TEX15: variants seen among roughly 807,000 people sequenced by gnomAD.
TEX15 encodes testis-expressed protein 15.
A neutral mutation model predicts 237.3 loss-of-function variants in TEX15; 171 were observed. The ratio of observed to expected loss-of-function variants is 0.72; its 90% CI spans 0.64 to 0.82. The LOEUF is 0.82. Among genes scored for constraint, TEX15 ranks in the 40% least tolerant of loss-of-function variants. The pLI, the probability that TEX15 is intolerant of heterozygous loss-of-function variation, is 0.00. For missense variants in TEX15, 3,750 were observed against 3,646.5 expected (o/e 1.03, Z -0.73); for synonymous variants, 1,338 against 1,269.8 (o/e 1.05, Z -1.14).
Position 30,843,500 on chromosome 8 carries a change from C to T in TEX15, c.6667G>A (p.Gly2223Arg), listed in dbSNP as rs763458912. Reference sequence around the variant, plus strand: ...TACGAATGAACTTTAGGAGAGTCCCCACATACATTGATCAACTTTAAAGTA... The same window carrying T: ...TACGAATGAACTTTAGGAGAGTCCCTACATACATTGATCAACTTTAAAGTA... ...KSTLKLINVC[G>R]DSPKVHSYPG... is the part of the protein sequence containing the mutation. The change falls in exon 8 of 11, where the codon GGG (glycine) becomes AGG (arginine). Residue 2223 changes from glycine (G) to arginine (R), a missense_variant. By Grantham distance (125) the Gly-to-Arg change is moderately radical. Transcript: ENST00000643185. 2 of 1,612,958 alleles carry T rather than the reference C, an allele frequency of 1.2e-6. No homozygotes were observed. The highest frequency in any genetic ancestry group is 1.7e-5 in the Admixed American group (1 of 59,946).
Position 30,843,552 on chromosome 8 carries a change from T to C in TEX15, c.6615A>G (p.Leu2205=), listed in dbSNP as rs1807515659. 1 of 1,613,208 alleles carries C rather than the reference T, an allele frequency of 6.2e-7. No homozygotes were observed. Among genetic ancestry groups the C allele is most frequent in the South Asian group, 1.1e-5 (1 of 91,040 alleles). Residue 2205 remains leucine (L), a synonymous_variant, in exon 8 of 11, where the codon TTA becomes TTG. Coordinates refer to ENST00000643185, the MANE Select transcript of TEX15 (RefSeq NM_001350162.2). ...FTCGVNFGDS[L]EDLEILRKST... is the part of the protein sequence containing the mutation. ...TTTTTCTTAAGATTTCCAGGTCTTC[T>C]AAACTATCTCCAAAGTTAACTCCAC...
intron 5 of TEX15, 42 bp downstream of exon 5, chr8:30,867,223 G>A: frequency 1.0e-6 from 1 of 967,970 alleles, no homozygotes; most frequent in Non-Finnish European, 1.5e-6. Context: ...TCAATTCAAA[G>A]CAAACTGTCC....
At chr8:30,883,275 C>G (rs1355556908) in intron 3 of TEX15, among the ~76,000 whole-genome samples, 1 of 152,108 alleles carries the variant, frequency 6.6e-6, no homozygotes, top group Admixed American at 6.5e-5. Flanking sequence ...GTAGGCAGCT[C>G]TTTAAATTTA....
chr8:30,854,476 G>A (rs539890755), intron 7 of TEX15, among the ~76,000 whole-genome samples: 1 of 152,166 alleles, frequency 6.6e-6, no homozygotes, highest in East Asian at 1.9e-4. Context: ...CCTAAAACAA[G>A]TGAAGAAACT....
rs138707908 is a variant in TEX15, at chr8:30,837,242, T to C, written c.9042A>G (p.Thr3014=). The C allele has an allele frequency of 2.8e-4, 444 of 1,614,162 alleles. 1 individual carries two copies. The highest frequency in any genetic ancestry group is 2.5e-3 in the African/African-American group (186 of 75,076). ...CAGACTGTGGAAGTTCATTCCAATA[T>C]GTGGCAGCATTCTGCATTAGGACTT... The part of the protein sequence containing the change: ...NSKVLMQNAA[T]YWNELPQSAC... The change falls in exon 10 of 11, where the codon ACA becomes ACG. Residue 3014 remains threonine (T), a synonymous_variant. Transcript: ENST00000643185.
rs1220363685 is a variant in TEX15 at position 30,843,254 on chromosome 8, T to C, written c.6913A>G (p.Lys2305Glu). The change falls in exon 8 of 11, where the codon AAA (lysine) becomes GAA (glutamate). Residue 2305 changes from lysine to glutamate, a missense_variant. By Grantham distance (56) the Lys-to-Glu change is moderately conservative. Transcript: ENST00000643185. ...TTCTGCAACTTAGAAAAGGCACATT[T>C]ATTCACTCTGAGTAGCCTTTCTTCG... ...KDEERLLRVN[K>E]CAFSKLQKIY... 3.1e-6 allele frequency: 5 copies of C among 1,613,224 alleles called. No individual in the cohort carries two copies. The East Asian group carries it at 1.1e-4, about 36-fold the overall frequency.
chr8:30,847,010 G>T lies in TEX15; in HGVS notation c.3157C>A (p.Gln1053Lys). ...ATTTCACTTTCCAATTCAATGCTCT[G>T]AAGAACTAAGTTCTCATTTATTGAT... is the stretch of plus-strand genomic sequence containing the variant. ...HQSINENLVL[Q>K]SIELESEIEI... Residue 1053 changes from glutamine to lysine, a missense_variant, in exon 8 of 11, where the codon CAG becomes AAG. Coordinates refer to ENST00000643185, the MANE Select transcript of TEX15 (RefSeq NM_001350162.2). 1 of 1,613,124 alleles carries T rather than the reference G, an allele frequency of 6.2e-7. No homozygotes were observed. Among genetic ancestry groups the T allele is most frequent in the African/African-American group, 1.3e-5 (1 of 75,008 alleles).
Position 30,847,211 on chromosome 8 carries a change from G to C in TEX15, c.2956C>G (p.Gln986Glu), listed in dbSNP as rs1381952882. The change falls in exon 8 of 11, where the codon CAG becomes GAG. Residue 986 changes from glutamine to glutamate, a missense_variant. Transcript: ENST00000643185. ...SVCVASNAAI[Q>E]IASATMPALS... Reference sequence around the variant, plus strand: ...GCAGGCATAGTAGCACTAGCTATCTGTATTGCAGCATTTGAGGCTACACAC... The same window carrying C: ...GCAGGCATAGTAGCACTAGCTATCTCTATTGCAGCATTTGAGGCTACACAC... 3 of 1,613,870 alleles carry C rather than the reference G, an allele frequency of 1.9e-6. No individual in the cohort carries two copies. Among genetic ancestry groups the C allele is most frequent in the Middle Eastern group, 1.6e-4 (1 of 6,084 alleles).
intron 1 of TEX15, among the ~76,000 whole-genome samples, chr8:30,911,327 T>C (rs916202632): frequency 6.6e-6 from 1 of 152,230 alleles, no homozygotes; most frequent in South Asian, 2.1e-4. Flanking sequence ...ATTATTATTA[T>C]TTTTTGTAGA....
chr8:30,911,882 G>T (rs1217503613), intron 1 of TEX15, among the ~76,000 whole-genome samples: 1 of 152,266 alleles, frequency 6.6e-6, no homozygotes, highest in Middle Eastern at 3.4e-3. Flanking sequence ...CGGCTCACAC[G>T]AAACTGAGGC....
intron 3 of TEX15, 33 bp downstream of exon 3, chr8:30,887,134 T>C: frequency 6.6e-7 from 1 of 1,506,498 alleles, no homozygotes; most frequent in Non-Finnish European, 8.8e-7. Context: ...CAGTAATAGT[T>C]ACTAAAAAAA....
rs1402409052 is a variant in TEX15, at chr8:30,844,894, TCA to T, written c.5271_5272del (p.Cys1757Ter). 1 of 1,613,494 alleles carries T rather than the reference TCA, an allele frequency of 6.2e-7. No individual in the cohort carries two copies. Among genetic ancestry groups the T allele is most frequent in the East Asian group, 2.2e-5 (1 of 44,872 alleles). On this transcript the variant is annotated stop_gained and frameshift_variant, in exon 8 of 11. Coordinates refer to ENST00000643185, the MANE Select transcript of TEX15 (RefSeq NM_001350162.2). LOFTEE classifies it high-confidence loss of function. ...AAGCTCTTTTTCTCTACAGCTCTGC[TCA>T]CAGTGTGGTACAGTACTGGATGCTG... is the stretch of plus-strand genomic sequence containing the variant.
chr8:30,839,025 A>G (rs1378149964), intron 9 of TEX15, among the ~76,000 whole-genome samples: 2 of 151,932 alleles, frequency 1.3e-5, no homozygotes, highest in Non-Finnish European at 2.9e-5. Flanking sequence ...CATGTTGGTC[A>G]GGCTGATCTC....
rs1349817282 is a variant in TEX15, at chr8:30,848,730, G to A, written c.1437C>T (p.Ser479=). ...CACAATCACCAGGGACAACTTCTGA[G>A]GAGGAGGCAGAATTAGATGGTGTCG... ...IKSTPSNSAS[S]SEVVPGDCAV... Residue 479 remains serine (S), a synonymous_variant, in exon 8 of 11, where the codon TCC becomes TCT. Coordinates refer to ENST00000643185, the MANE Select transcript of TEX15 (RefSeq NM_001350162.2). 1.2e-6 allele frequency: 2 copies of A among 1,614,014 alleles called. No individual in the cohort carries two copies. Among genetic ancestry groups the A allele is most frequent in the South Asian group, 1.1e-5 (1 of 91,086 alleles).
chr8:30,867,424 A>G lies in TEX15; in HGVS notation c.381T>C (p.Asp127=). Reference sequence around the variant, plus strand: ...TTCCATTCTGATATATCTGGGCTACATCACTCTGGGGAAGTGCTAAAAAGC... The same window carrying G: ...TTCCATTCTGATATATCTGGGCTACGTCACTCTGGGGAAGTGCTAAAAAGC... ...QFCFLALPQS[D]VAQIYQNGIS... is the part of the protein sequence containing the mutation. Residue 127 remains aspartate (D), a synonymous_variant, in exon 5 of 11, where the codon GAT becomes GAC. Transcript: ENST00000643185. The G allele has an allele frequency of 1.2e-5, 18 of 1,534,908 alleles. No homozygotes were observed. Among genetic ancestry groups the G allele is most frequent in the Non-Finnish European group, 1.6e-5 (18 of 1,146,054 alleles).
intron 8 of TEX15, among the ~76,000 whole-genome samples, chr8:30,841,543 T>A (rs1585280411): frequency 6.6e-6 from 1 of 152,248 alleles, no homozygotes; most frequent in Non-Finnish European, 1.5e-5. Flanking sequence ...AACTCCTTGA[T>A]AATTATCTCT....
intron 10 of TEX15, among the ~76,000 whole-genome samples, chr8:30,835,896 A>G (rs1489667147): frequency 1.3e-5 from 2 of 152,228 alleles, no homozygotes; most frequent in East Asian, 1.9e-4. Context: ...ACTGTATTAG[A>G]TAACTGAGAG....
chr8:30,840,083 CTAAT>C lies in TEX15; in HGVS notation c.8164-123_8164-120del, dbSNP rs530282465. ...TGTTCTGCCATCATCTAAAGTTAAA[CTAAT>C]TAATTATCACCTCCCTGCAGAAAGC... On this transcript the variant is annotated intron_variant, in intron 8 of 10. Coordinates refer to ENST00000643185, the MANE Select transcript of TEX15 (RefSeq NM_001350162.2). 14 of 529,232 alleles carry C rather than the reference CTAAT, an allele frequency of 2.6e-5. No homozygotes were observed. The Admixed American group carries it at 3.1e-4, about 12-fold the overall frequency. The allele number at this position is 529,232 out of a possible 1,614,324, so 32.8% of individuals were successfully genotyped here.
Position 30,842,375 on chromosome 8 carries a change from C to CCCCTAGGCA in TEX15, c.7791_7792insTGCCTAGGG (p.Asn2597_Val2598insCysLeuGly). 6.2e-7 allele frequency: 1 copy of CCCCTAGGCA among 1,613,772 alleles called. No individual in the cohort carries two copies. The highest frequency in any genetic ancestry group is 1.7e-5 in the Admixed American group (1 of 59,972). ...AAATCTTTCCTAGGGGCAGACATTA[C>CCCCTAGGCA]ATTCTTCAGCAGTGTAGAAAATTGA... is the stretch of plus-strand genomic sequence containing the variant. On this transcript the variant is annotated inframe_insertion, in exon 8 of 11. Transcript: ENST00000643185.
Sources: allele counts gnomAD v4.1 joint callset (sites outside exome capture counted in the v4.1 genomes callset), GRCh38; gene constraint gnomAD v4.1.1; transcripts MANE v1.5; gene names NCBI Gene and HGNC (gene_info 2026-07-23, HGNC 2026-07-21).